The following DOCK5 variants were observed in gnomAD, a reference collection of about 807,000 sequenced individuals.
DOCK5 encodes the protein dedicator of cytokinesis 5.
DOCK5 carries 142 observed loss-of-function variants against 251.8 expected under a neutral mutation model. The ratio of observed to expected loss-of-function variants is 0.56; its 90% CI spans 0.49 to 0.65. The LOEUF (loss-of-function observed/expected upper bound fraction) is 0.65, where lower values mean the gene tolerates loss of function less well. Ranked by LOEUF, DOCK5 falls within the 30% of genes least tolerant of loss-of-function variation. The pLI is 0.00. For missense variants in DOCK5, 2,111 were observed against 2,312.3 expected, an observed-to-expected ratio of 0.91 and a Z score of 1.79; for synonymous variants, 842 against 835.5, an observed-to-expected ratio of 1.01 and a Z score of -0.13.
At chr8:25,333,071 A>C (rs1029687353) in intron 20 of DOCK5, among the ~76,000 whole-genome samples, 1 of 152,232 alleles carries the variant, frequency 6.6e-6, no homozygotes, top group Non-Finnish European at 1.5e-5. Flanking sequence ...TCAGAGGTGA[A>C]TCTGAGCCTC....
intron 5 of DOCK5, among the ~76,000 whole-genome samples, chr8:25,289,797 AC>A (rs1804441276): frequency 6.6e-6 from 1 of 152,038 alleles, no homozygotes; most frequent in African/African-American, 2.4e-5. Flanking sequence ...AGCTGAGATC[AC>A]GCCATTGCAC....
intron 12 of DOCK5, among the ~76,000 whole-genome samples, chr8:25,309,811 ACT>A (rs1805041645): frequency 6.6e-6 from 1 of 151,824 alleles, no homozygotes; most frequent in East Asian, 1.9e-4. Flanking sequence ...ACAAAGTGAG[ACT>A]CTGTCTAAAA....
rs763339792 is a variant in DOCK5 at position 25,190,075 on chromosome 8, C to T, written c.43+5124C>T. ...CCAGTTTTTGTATTTTTAGTAGAGACGGGGTTTCACCATGTTGGTCAGGCT... is the reference window on the plus strand; with the variant it reads ...CCAGTTTTTGTATTTTTAGTAGAGATGGGGTTTCACCATGTTGGTCAGGCT... On this transcript the variant is annotated intron_variant, in intron 1 of 51. Transcript: ENST00000276440. Among the ~76,000 whole-genome samples the T allele has an allele frequency of 7.2e-5, 11 of 151,792 alleles. No homozygotes were observed. In the East Asian group the frequency reaches 9.7e-4, roughly 13 times the overall value.
intron 13 of DOCK5, among the ~76,000 whole-genome samples, chr8:25,310,902 T>G (rs1805074873): frequency 1.3e-5 from 2 of 152,138 alleles, no homozygotes; most frequent in Admixed American, 1.3e-4. Context: ...TACTCTCTCT[T>G]TTACGCAGAC....
rs1801087991 is a variant in DOCK5 at position 25,382,592 on chromosome 8, CAACAA to C, written c.4027-75_4027-71del. The C allele has an allele frequency of 2.5e-5, 29 of 1,145,944 alleles. No individual in the cohort carries two copies. The South Asian group carries it at 3.2e-4, about 13-fold the overall frequency. 71.0% of individuals were successfully genotyped at this position (1,145,944 alleles called of 1,614,324 possible). A position where few individuals can be genotyped will look rare whatever the true frequency, so the allele number is the denominator to read the frequency against. ...TCATTGCTCTGGGTTACGTGGGAAACAACAAAACAAAGTCTGACTTTTTTTTTCCC... is the reference window on the plus strand; with the variant it reads ...TCATTGCTCTGGGTTACGTGGGAAACAACAAAGTCTGACTTTTTTTTTCCC... On this transcript the variant is annotated intron_variant, in intron 39 of 51. Coordinates refer to ENST00000276440, the MANE Select transcript of DOCK5 (RefSeq NM_024940.8).
chr8:25,406,205 G>A (rs1208695443), intron 48 of DOCK5, among the ~76,000 whole-genome samples: 3 of 152,056 alleles, frequency 2.0e-5, no homozygotes, highest in East Asian at 1.9e-4. Flanking sequence ...TGATTCGCCC[G>A]CCTCAGCTTC....
In DOCK5 at chr8:25,216,018, TACA is replaced by T. The variant is rs570162190; in HGVS notation, c.44-27652_44-27650del. Among the ~76,000 whole-genome samples, 93 of 151,766 alleles carry T rather than the reference TACA, an allele frequency of 6.1e-4. 1 individual carries two copies. The South Asian group carries it at 0.019, about 31-fold the overall frequency. On this transcript the variant is annotated intron_variant, in intron 1 of 51. Coordinates refer to ENST00000276440, the MANE Select transcript of DOCK5 (RefSeq NM_024940.8). ...TCTGCATACAGTATGTATATATGTA[TACA>T]ACATGTATATACGTGTATACAATAT...
At chr8:25,203,653 G>A (rs1801932466) in intron 1 of DOCK5, among the ~76,000 whole-genome samples, 2 of 152,194 alleles carry the variant, frequency 1.3e-5, no homozygotes. Flanking sequence ...CAATGTGGTG[G>A]CATGGGGATA....
chr8:25,192,792 G>A (rs774621911), intron 1 of DOCK5, among the ~76,000 whole-genome samples: 71 of 152,276 alleles, frequency 4.7e-4, no homozygotes, highest in African/African-American at 1.7e-3. Flanking sequence ...GATTACAGGC[G>A]CCAGCTACCA....
intron 42 of DOCK5, among the ~76,000 whole-genome samples, chr8:25,391,499 G>A (rs781324528): frequency 5.9e-5 from 9 of 152,122 alleles, no homozygotes; most frequent in Non-Finnish European, 1.2e-4. Context: ...TTAGCCAGTC[G>A]TGATGGTGCG....
At chr8:25,291,406 G>C (rs1489316755) in intron 5 of DOCK5, among the ~76,000 whole-genome samples, 2 of 152,176 alleles carry the variant, frequency 1.3e-5, no homozygotes, top group Non-Finnish European at 2.9e-5. Flanking sequence ...AATCAGGCTA[G>C]GCGCAGTGGC....
At chr8:25,268,562 T>G (rs927952283) in intron 2 of DOCK5, among the ~76,000 whole-genome samples, 12 of 151,616 alleles carry the variant, frequency 7.9e-5, no homozygotes, top group African/African-American at 2.2e-4. Flanking sequence ...GTCTTGTTGG[T>G]TTTTTTTGCT....
chr8:25,381,147 G>A (rs6998373), intron 39 of DOCK5, among the ~76,000 whole-genome samples: 14,840 of 152,220 alleles, frequency 0.097, 1,090 homozygotes, highest in African/African-American at 0.21. Flanking sequence ...TGAATGCCCA[G>A]TGGTAGGCAA....
chr8:25,217,390 A>G (rs1802275317), intron 1 of DOCK5, among the ~76,000 whole-genome samples: 4 of 152,058 alleles, frequency 2.6e-5, no homozygotes, highest in Admixed American at 2.6e-4. Context: ...CAACTTAAAA[A>G]CGGGGAACTG....
chr8:25,377,186 G>T (rs1800977581), intron 37 of DOCK5, 119 bp from the exon 38 acceptor site: 1 of 1,355,344 alleles, frequency 7.4e-7, no homozygotes, highest in African/African-American at 1.5e-5. Flanking sequence ...TAACTTTTGT[G>T]TTTAATACAT....
intron 1 of DOCK5, among the ~76,000 whole-genome samples, chr8:25,228,437 C>A (rs1802585172): frequency 6.6e-6 from 1 of 152,166 alleles, no homozygotes; most frequent in South Asian, 2.1e-4. Context: ...ATTGAAGTGG[C>A]AGTGTACAGC....
At chr8:25,343,006 GT>G (rs1800274309) in intron 25 of DOCK5, among the ~76,000 whole-genome samples, 2 of 151,432 alleles carry the variant, frequency 1.3e-5, no homozygotes, top group Admixed American at 6.6e-5. Flanking sequence ...CGTCCGGCTT[GT>G]TTGTTTTTTA....
At chr8:25,352,577 A>G (rs1230191605) in intron 27 of DOCK5, among the ~76,000 whole-genome samples, 1 of 152,198 alleles carries the variant, frequency 6.6e-6, no homozygotes, top group Non-Finnish European at 1.5e-5. Context: ...CTATATTAAA[A>G]TCGAATTAGA....
rs770027637 is a variant in DOCK5 at position 25,412,698 on chromosome 8, C to G, written c.*1400C>G. On this transcript the variant is annotated 3_prime_UTR_variant, in exon 52 of 52. Transcript: ENST00000276440. ...TGGGGGAAACTTGCTGGTGGTCTCT[C>G]CCACAACCTTGCCCAGAGTCCTTTC... 2 of 152,240 alleles carry G rather than the reference C, an allele frequency of 1.3e-5. No individual in the cohort carries two copies. The highest frequency in any genetic ancestry group is 2.9e-5 in the Non-Finnish European group (2 of 68,060). The allele number at this position is 152,240 out of a possible 1,614,324, so 9.4% of individuals were successfully genotyped here. A position where few individuals can be genotyped will look rare whatever the true frequency, so the allele number is the denominator to read the frequency against.
Sources: gnomAD v4.1 joint callset for allele counts (sites outside exome capture counted in the v4.1 genomes callset) on GRCh38, gnomAD v4.1.1 for gene constraint, MANE v1.5 for transcripts, NCBI Gene and HGNC (gene_info 2026-07-23, HGNC 2026-07-21) for gene names.